The following MAP3K14 variants were observed in gnomAD, a reference collection of about 807,000 sequenced individuals.
The protein encoded by MAP3K14 is NF-kappa-beta-inducing kinase.
MAP3K14 carries 16 observed loss-of-function variants against 99.2 expected under a neutral mutation model. The ratio of observed to expected loss-of-function variants is 0.16; its 90% CI spans 0.11 to 0.24. The LOEUF (loss-of-function observed/expected upper bound fraction) is 0.24, where lower values mean the gene tolerates loss of function less well. MAP3K14 is among the 10% of genes least tolerant of loss of function. The pLI is 1.00. For missense variants in MAP3K14, 784 were observed against 1,208.7 expected, an observed-to-expected ratio of 0.65 and a Z score of 5.21; for synonymous variants, 462 against 492.4, an observed-to-expected ratio of 0.94 and a Z score of 0.82.
At chr17:45,273,893 G>C in intron 8 of MAP3K14, 1 of 648,904 alleles carries the variant, frequency 1.5e-6, no homozygotes, top group Non-Finnish European at 2.7e-6. Flanking sequence ...GTCACCAGTG[G>C]GTGGGAGCTT....
rs2044091928 is a variant in MAP3K14 at position 45,267,006 on chromosome 17, A to G, written c.2433+86T>C. On this transcript the variant is annotated intron_variant, in intron 13 of 15. Transcript: ENST00000344686. This position sits in a 1 kb window ranked among gnomAD's most constrained non-coding sequence, Gnocchi z 5.1. ...ACTACTTGCACAGTGTCCATTCACTAGCTGGACGCAAAGCTACTTGCTCTG... is the reference window on the plus strand; with the variant it reads ...ACTACTTGCACAGTGTCCATTCACTGGCTGGACGCAAAGCTACTTGCTCTG... The G allele has an allele frequency of 9.9e-7, 1 of 1,006,990 alleles. No individual in the cohort carries two copies. The highest frequency in any genetic ancestry group is 2.6e-5 in the East Asian group (1 of 38,276). The allele number at this position is 1,006,990 out of a possible 1,614,324, so 62.4% of individuals were successfully genotyped here. A position where few individuals can be genotyped will look rare whatever the true frequency, so the allele number is the denominator to read the frequency against.
intron 10 of MAP3K14, 75 bp downstream of exon 10, chr17:45,270,983 G>GC (rs755349338): frequency 6.5e-7 from 1 of 1,544,634 alleles, no homozygotes; most frequent in South Asian, 1.2e-5. Flanking sequence ...CCGCAGAGCA[G>GC]CCCCTCCAGC....
intron 6 of MAP3K14, among the ~76,000 whole-genome samples, chr17:45,280,415 T>G (rs986966676): frequency 1.3e-5 from 2 of 150,906 alleles, no homozygotes; most frequent in Non-Finnish European, 2.9e-5. Context: ...GCGATTCTCC[T>G]GCTTCAGCCT....
intron 1 of MAP3K14, among the ~76,000 whole-genome samples, chr17:45,314,429 C>T (rs2044512627): frequency 6.6e-6 from 1 of 152,170 alleles, no homozygotes; most frequent in Admixed American, 6.5e-5. Context: ...CTCCCTAAAT[C>T]CACTGACATG....
At chr17:45,299,435 A>G (rs1382228893) in intron 1 of MAP3K14, among the ~76,000 whole-genome samples, 1 of 152,220 alleles carries the variant, frequency 6.6e-6, no homozygotes, top group East Asian at 1.9e-4. Flanking sequence ...TGCCATTGGT[A>G]CAGAACCCCC....
chr17:45,277,297 TC>T (rs1199674519), intron 6 of MAP3K14, among the ~76,000 whole-genome samples: 9 of 152,274 alleles, frequency 5.9e-5, no homozygotes, highest in African/African-American at 2.2e-4. Context: ...ATGCTATTCC[TC>T]CCCCCTCCCC....
At chr17:45,303,572 T>C (rs990981565) in intron 1 of MAP3K14, among the ~76,000 whole-genome samples, 1 of 152,074 alleles carries the variant, frequency 6.6e-6, no homozygotes, top group Non-Finnish European at 1.5e-5. Flanking sequence ...AAAATTTTTT[T>C]CCAATACCAA....
chr17:45,288,878 C>G (rs979605201), intron 3 of MAP3K14, among the ~76,000 whole-genome samples: 2 of 152,160 alleles, frequency 1.3e-5, no homozygotes, highest in African/African-American at 2.4e-5. Flanking sequence ...AAGGCCCCCC[C>G]CACCAACCCG....
intron 1 of MAP3K14, among the ~76,000 whole-genome samples, chr17:45,295,854 T>C (rs1021150307): frequency 6.6e-6 from 1 of 152,188 alleles, no homozygotes; most frequent in African/African-American, 2.4e-5. Flanking sequence ...GTCACCAGGC[T>C]ACTAAAAGCC....
At chr17:45,271,643 G>A (rs1431551301) in intron 9 of MAP3K14, among the ~76,000 whole-genome samples, 6 of 152,344 alleles carry the variant, frequency 3.9e-5, no homozygotes, top group Non-Finnish European at 2.9e-5. Context: ...ACTGTGCCCG[G>A]ACATGTTAAA....
chr17:45,263,237 C>G lies in MAP3K14; in HGVS notation c.*1399G>C, dbSNP rs946591620. ...ATGTGCTGGGGGCCGGGGCTCTCTC[C>G]CCGGGAGCAGTCTGACTCAATGTGG... On this transcript the variant is annotated 3_prime_UTR_variant, in exon 16 of 16. Transcript: ENST00000344686. 5 of 152,346 alleles carry G rather than the reference C, an allele frequency of 3.3e-5. No individual in the cohort carries two copies. The highest frequency in any genetic ancestry group is 4.8e-5 in the African/African-American group (2 of 41,424). The allele number at this position is 152,346 out of a possible 1,614,324, so 9.4% of individuals were successfully genotyped here.
intron 1 of MAP3K14, among the ~76,000 whole-genome samples, chr17:45,311,989 G>A (rs1459730737): frequency 2.0e-5 from 3 of 152,136 alleles, no homozygotes; most frequent in African/African-American, 7.2e-5. Context: ...TCAGCCCACT[G>A]GCCCCAGAAG....
In MAP3K14 at chr17:45,274,679, AC is replaced by A. The variant is rs1056404115; in HGVS notation, c.1291-87del. 1.1e-5 allele frequency: 16 copies of A among 1,486,336 alleles called. No homozygotes were observed. In the African/African-American group the frequency reaches 2.0e-4, roughly 18 times the overall value. The allele number at this position is 1,486,336 out of a possible 1,614,324, so 92.1% of individuals were successfully genotyped here. On this transcript the variant is annotated intron_variant, in intron 6 of 15. Transcript: ENST00000344686. ...CATCCTGTCAGCACCCTAGTGCTCC[AC>A]ACACAGAGGCTGCTGCTGTTTCCAG... is the stretch of plus-strand genomic sequence containing the variant.
At chr17:45,295,653 G>A (rs2044341272) in intron 1 of MAP3K14, among the ~76,000 whole-genome samples, 1 of 152,198 alleles carries the variant, frequency 6.6e-6, no homozygotes, top group South Asian at 2.1e-4. Context: ...CAGAGGTGGG[G>A]TTGAACCTAG....
chr17:45,316,091 A>G (rs1176949251), intron 1 of MAP3K14, among the ~76,000 whole-genome samples: 1 of 152,226 alleles, frequency 6.6e-6, no homozygotes, highest in Non-Finnish European at 1.5e-5. Flanking sequence ...AAGTAGTTTT[A>G]CCATTTACTT....
chr17:45,307,151 G>A (rs1010801997), intron 1 of MAP3K14, among the ~76,000 whole-genome samples: 8 of 151,976 alleles, frequency 5.3e-5, no homozygotes, highest in South Asian at 2.1e-4. Context: ...CCAGCTACTC[G>A]GGAGGCTGAG....
intron 1 of MAP3K14, among the ~76,000 whole-genome samples, chr17:45,312,146 C>T (rs956665537): frequency 6.6e-6 from 1 of 152,214 alleles, no homozygotes; most frequent in African/African-American, 2.4e-5. Flanking sequence ...TACACCCCTG[C>T]ATGGGTGACT....
At chr17:45,293,104 C>T (rs1212202310) in intron 1 of MAP3K14, among the ~76,000 whole-genome samples, 3 of 152,220 alleles carry the variant, frequency 2.0e-5, no homozygotes, top group African/African-American at 4.8e-5. Context: ...ACGCAACTGA[C>T]GCTGGCTGAA....
At chr17:45,312,841 G>A (rs538552422) in intron 1 of MAP3K14, among the ~76,000 whole-genome samples, 1 of 152,280 alleles carries the variant, frequency 6.6e-6, no homozygotes, top group African/African-American at 2.4e-5. Flanking sequence ...ATGCCATGTG[G>A]TAGTGGGAAC....
Sources: gnomAD v4.1 joint callset for allele counts (sites outside exome capture counted in the v4.1 genomes callset) on GRCh38, gnomAD v4.1.1 for gene constraint, Gnocchi (gnomAD v3.1) non-coding constraint, MANE v1.5 for transcripts, NCBI Gene and HGNC (gene_info 2026-07-23, HGNC 2026-07-21) for gene names.